The following GCM1 variants were observed in gnomAD, a reference collection of about 807,000 sequenced individuals.
GCM1 encodes the protein GCM transcription factor 1, also known as chorion-specific transcription factor GCMa.
In GCM1, 2 loss-of-function variants were observed where a neutral mutation model predicts 25.7. The ratio of observed to expected loss-of-function variants is 0.08; its 90% confidence interval spans 0.03 to 0.24. The LOEUF (loss-of-function observed/expected upper bound fraction) is 0.24, where lower values mean the gene tolerates loss of function less well. Among genes scored for constraint, GCM1 ranks in the 10% least tolerant of loss-of-function variants. The pLI is 1.00. For synonymous variants in GCM1, 183 were observed against 195.7 expected (o/e 0.94, Z 0.54); for missense variants, 395 against 538.7 (o/e 0.73, Z 2.64).
At chr6:53,142,914 C>T (rs1253833605) in intron 2 of GCM1, among the ~76,000 whole-genome samples, 2 of 98,770 alleles carry the variant, frequency 2.0e-5, no homozygotes, top group Non-Finnish European at 4.2e-5. Flanking sequence ...GGAGATGGAA[C>T]TAGAATTCAA....
intron 1 of GCM1, 22 bp downstream of exon 1, chr6:53,148,732 A>T (rs186160862): frequency 2.6e-5 from 4 of 152,320 alleles, no homozygotes; most frequent in Admixed American, 2.6e-4. Flanking sequence ...TTGCCTCTCC[A>T]CGGGATTTCT....
In GCM1 at chr6:53,134,277, G is replaced by C; in HGVS notation, c.123C>G (p.Ala41=). 2 of 1,614,060 alleles carry C rather than the reference G, an allele frequency of 1.2e-6. No individual in the cohort carries two copies. Among genetic ancestry groups the C allele is most frequent in the African/African-American group, 2.7e-5 (2 of 75,038 alleles). The change falls in exon 3 of 6, where the codon GCC becomes GCG. Residue 41 remains alanine (A), a synonymous_variant. Transcript: ENST00000259803. ...DWFQEWPDSY[A]KHIYSSEDKN... ...TGTCCTCCGAGCTGTAGATGTGTTT[G>C]GCATAGGAATCTGGCCACTCCTGGA...
chr6:53,147,282 A>G (rs1353054356), intron 1 of GCM1, among the ~76,000 whole-genome samples: 2 of 152,144 alleles, frequency 1.3e-5, no homozygotes, highest in Non-Finnish European at 2.9e-5. Flanking sequence ...CACATGTATA[A>G]CATTTCATTT....
At chr6:53,137,349 AC>A (rs1763815685) in intron 2 of GCM1, among the ~76,000 whole-genome samples, 1 of 152,166 alleles carries the variant, frequency 6.6e-6, no homozygotes, top group Admixed American at 6.6e-5. Flanking sequence ...TGCTCTCTCC[AC>A]CCACCTTCTC....
At chr6:53,145,438 C>G in intron 2 of GCM1, 120 bp downstream of exon 2, 1 of 732,782 alleles carries the variant, frequency 1.4e-6, no homozygotes, top group Non-Finnish European at 2.5e-6. Context: ...AGCTGAAACT[C>G]TAGGGGAGAG....
In GCM1 at chr6:53,127,001, G is replaced by C. The variant is rs1008711413; in HGVS notation, c.*1205C>G. 10 of 152,114 alleles carry C rather than the reference G, an allele frequency of 6.6e-5. No homozygotes were observed. Among genetic ancestry groups the C allele is most frequent in the Non-Finnish European group, 1.0e-4 (7 of 68,030 alleles). 9.4% of individuals were successfully genotyped at this position (152,114 alleles called of 1,614,324 possible). A position where few individuals can be genotyped will look rare whatever the true frequency, so the allele number is the denominator to read the frequency against. ...CTTGTTTATTGCATGGTTCTCTCCA[G>C]ATTTTATGTCTAGGCTTACTTTTAT... On this transcript the variant is annotated 3_prime_UTR_variant, in exon 6 of 6. Coordinates refer to ENST00000259803, the MANE Select transcript of GCM1 (RefSeq NM_003643.4).
chr6:53,148,624 C>T (rs190461617), intron 1 of GCM1, 130 bp downstream of exon 1: 72 of 152,226 alleles, frequency 4.7e-4, no homozygotes, highest in African/African-American at 1.6e-3. Flanking sequence ...AAGCAACTTG[C>T]GCAAAGTATA....
Position 53,145,727 on chromosome 6 carries a change from G to C in GCM1, c.-95C>G, listed in dbSNP as rs1038061002. ...CAAAGGTTCTTGATATAGCTGGATC[G>C]GCCCACTCAAGCACCTTGGACCAGG... On this transcript the variant is annotated 5_prime_UTR_variant, in exon 2 of 6. Coordinates refer to ENST00000259803, the MANE Select transcript of GCM1 (RefSeq NM_003643.4). 1.4e-6 allele frequency: 1 copy of C among 739,466 alleles called. No individual in the cohort carries two copies. The allele number at this position is 739,466 out of a possible 1,614,324, so 45.8% of individuals were successfully genotyped here.
Position 53,136,265 on chromosome 6 carries a change from C to T in GCM1, c.76-1941G>A, listed in dbSNP as rs77350548. Among the ~76,000 whole-genome samples, 97 of 152,306 alleles carry T rather than the reference C, an allele frequency of 6.4e-4. No individual in the cohort carries two copies. In the East Asian group the frequency reaches 0.015, roughly 24 times the overall value. ...TTGTCTATGGATGTTTTTACACCACCGCAGCAGAGACTGTATGGCCCACAA... is the reference window on the plus strand; with the variant it reads ...TTGTCTATGGATGTTTTTACACCACTGCAGCAGAGACTGTATGGCCCACAA... On this transcript the variant is annotated intron_variant, in intron 2 of 5. Coordinates refer to ENST00000259803, the MANE Select transcript of GCM1 (RefSeq NM_003643.4).
chr6:53,138,893 C>T (rs551243375), intron 2 of GCM1, among the ~76,000 whole-genome samples: 2 of 152,188 alleles, frequency 1.3e-5, no homozygotes, highest in Non-Finnish European at 2.9e-5. Context: ...ATACTCACCT[C>T]ATTCTAACTT....
intron 3 of GCM1, among the ~76,000 whole-genome samples, chr6:53,133,759 G>A (rs987663832): frequency 1.3e-5 from 2 of 152,156 alleles, no homozygotes; most frequent in African/African-American, 4.8e-5. Context: ...CTCCCAAAGT[G>A]CTGAGATTAC....
chr6:53,135,303 A>T (rs1281326649), intron 2 of GCM1, among the ~76,000 whole-genome samples: 3 of 152,196 alleles, frequency 2.0e-5, no homozygotes, highest in Non-Finnish European at 4.4e-5. Context: ...TGACCAAAAT[A>T]AAATAATAAT....
At chr6:53,132,173 G>A (rs1763736469) in intron 3 of GCM1, 54 bp from the exon 4 acceptor site, 3 of 1,112,324 alleles carry the variant, frequency 2.7e-6, no homozygotes, top group Middle Eastern at 2.3e-4. Context: ...GTCGGTTGTT[G>A]ACTCCTGTGC....
At chr6:53,132,178 C>T (rs1241046875) in intron 3 of GCM1, 59 bp from the exon 4 acceptor site, 5 of 1,061,500 alleles carry the variant, frequency 4.7e-6, no homozygotes, top group East Asian at 2.4e-5. Context: ...TTGTTGACTC[C>T]TGTGCAGTCT....
Position 53,127,254 on chromosome 6 carries a change from T to A in GCM1, c.*952A>T, listed in dbSNP as rs1476682288. 1 of 152,204 alleles carries A rather than the reference T, an allele frequency of 6.6e-6. No homozygotes were observed. The highest frequency in any genetic ancestry group is 2.1e-4 in the South Asian group (1 of 4,828). 9.4% of individuals were successfully genotyped at this position (152,204 alleles called of 1,614,324 possible). A position where few individuals can be genotyped will look rare whatever the true frequency, so the allele number is the denominator to read the frequency against. ...ACAAGAGGCAAGGAGACCACGCACA[T>A]CACTAGTGTTTCTCTTCATATGGCA... On this transcript the variant is annotated 3_prime_UTR_variant, in exon 6 of 6. Transcript: ENST00000259803.
At chr6:53,144,421 TAAAAA>T (rs766498725) in intron 2 of GCM1, among the ~76,000 whole-genome samples, 1 of 121,152 alleles carries the variant, frequency 8.3e-6, no homozygotes, top group Non-Finnish European at 1.8e-5. Context: ...CAAACCCATC[TAAAAA>T]AAAAAAAAAA....
chr6:53,140,405 C>A lies in GCM1; in HGVS notation c.75+5153G>T, dbSNP rs114799637. ...ATTCATGTTTGATCACAATTTGGGG[C>A]TTATCTTTTGCAGAGACAAAGGAAG... On this transcript the variant is annotated intron_variant, in intron 2 of 5. Transcript: ENST00000259803. Among the ~76,000 whole-genome samples the A allele has an allele frequency of 7.8e-3, 1,183 of 151,852 alleles. 19 individuals are homozygous for A. Among genetic ancestry groups the A allele is most frequent in the African/African-American group, 0.027 (1,123 of 41,428 alleles).
intron 3 of GCM1, among the ~76,000 whole-genome samples, chr6:53,133,061 T>C (rs1031306429): frequency 6.6e-6 from 1 of 152,228 alleles, no homozygotes; most frequent in Non-Finnish European, 1.5e-5. Context: ...AATGCACACA[T>C]TGAGATCACT....
intron 1 of GCM1, among the ~76,000 whole-genome samples, chr6:53,146,218 T>TATATA (rs1562092598): frequency 3.5e-3 from 145 of 40,948 alleles, no homozygotes; most frequent in South Asian, 0.013. Context: ...ATATATATAT[T>TATATA]TTTTTTTTTT....
Sources: allele counts gnomAD v4.1 joint callset (sites outside exome capture counted in the v4.1 genomes callset), GRCh38; gene constraint gnomAD v4.1.1; transcripts MANE v1.5; gene names NCBI Gene and HGNC (gene_info 2026-07-23, HGNC 2026-07-21).